Variants in PPARG observed in about 807,000 individuals in gnomAD.
The protein encoded by PPARG is peroxisome proliferator activated receptor gamma.
In PPARG, 17 loss-of-function variants were observed where a neutral mutation model predicts 39.2. The observed-to-expected ratio is 0.43, with a 90% CI of 0.30 to 0.65. The LOEUF (loss-of-function observed/expected upper bound fraction) is 0.65. Ranked by LOEUF, PPARG falls within the 30% of genes least tolerant of loss-of-function variation. The pLI, the probability that PPARG is intolerant of heterozygous loss-of-function variation, is 0.13. For missense variants in PPARG, 406 were observed against 585.9 expected (o/e 0.69, Z 3.17); for synonymous variants, 223 against 215.7 (o/e 1.03, Z -0.30).
chr3:12,352,564 G>A (rs1291399499), intron 2 of PPARG, among the ~76,000 whole-genome samples: 1 of 152,014 alleles, frequency 6.6e-6, no homozygotes, highest in Non-Finnish European at 1.5e-5. Context: ...CTCAGATTCT[G>A]TGTAAAAATA....
chr3:12,397,555 C>T (rs1261921875), intron 5 of PPARG, among the ~76,000 whole-genome samples: 2 of 151,562 alleles, frequency 1.3e-5, no homozygotes, highest in African/African-American at 4.8e-5. Context: ...GGACTACAGG[C>T]GCCTGCCACC....
chr3:12,301,270 ACT>A (rs1440389347), intron 1 of PPARG, among the ~76,000 whole-genome samples: 3 of 152,198 alleles, frequency 2.0e-5, no homozygotes, highest in Admixed American at 1.3e-4. Flanking sequence ...ACTGTAACAA[ACT>A]CTGCTTAGTA....
upstream of PPARG, among the ~76,000 whole-genome samples, chr3:12,288,394 C>A (rs564063706): frequency 6.6e-6 from 1 of 151,770 alleles, no homozygotes; most frequent in East Asian, 2.0e-4. Context: ...TGGACGCGAG[C>A]CGGTGCGTCC....
intron 1 of PPARG, among the ~76,000 whole-genome samples, chr3:12,292,960 G>A (rs1019466719): frequency 6.6e-6 from 1 of 152,214 alleles, no homozygotes; most frequent in Non-Finnish European, 1.5e-5. Context: ...CAGAGGCGAA[G>A]GCAAAGAAAG....
intron 1 of PPARG, among the ~76,000 whole-genome samples, chr3:12,299,072 C>G (rs1342059086): frequency 1.3e-5 from 2 of 152,076 alleles, no homozygotes; most frequent in Non-Finnish European, 2.9e-5. Flanking sequence ...TAGGCCCAAG[C>G]AGTCCTCTGG....
At chr3:12,425,173 GAA>G (rs1426620304) in intron 7 of PPARG, among the ~76,000 whole-genome samples, 3 of 152,226 alleles carry the variant, frequency 2.0e-5, no homozygotes, top group Admixed American at 6.5e-5. Flanking sequence ...GGAGGGCTTG[GAA>G]GTGGGGAGGA....
intron 6 of PPARG, 87 bp from the exon 7 acceptor site, chr3:12,416,617 A>G: frequency 7.7e-7 from 1 of 1,295,978 alleles, no homozygotes; most frequent in Non-Finnish European, 1.1e-6. Context: ...AAGCAAGTTT[A>G]CATAAACAGT....
chr3:12,315,770 G>A (rs1384338201), intron 2 of PPARG, among the ~76,000 whole-genome samples: 1 of 152,142 alleles, frequency 6.6e-6, no homozygotes, highest in Non-Finnish European at 1.5e-5. Context: ...ACCTGTGAGT[G>A]GGAATAACTC....
At chr3:12,392,114 A>C (rs1459092126) in intron 4 of PPARG, among the ~76,000 whole-genome samples, 1 of 152,204 alleles carries the variant, frequency 6.6e-6, no homozygotes, top group African/African-American at 2.4e-5. Context: ...ATTCTGCAGG[A>C]AATTATGCAA....
intron 2 of PPARG, among the ~76,000 whole-genome samples, chr3:12,368,789 G>A (rs2049110077): frequency 6.6e-6 from 1 of 152,196 alleles, no homozygotes; most frequent in African/African-American, 2.4e-5. Flanking sequence ...GAAAAGAAGT[G>A]AGTTGGTAGA....
chr3:12,403,007 C>T (rs1018739924), intron 5 of PPARG, among the ~76,000 whole-genome samples: 1 of 152,256 alleles, frequency 6.6e-6, no homozygotes. Context: ...TAAATAGTTC[C>T]TATGGCCAGG....
At chr3:12,417,888 C>G (rs10048953) in intron 7 of PPARG, among the ~76,000 whole-genome samples, 2 of 64,058 alleles carry the variant, frequency 3.1e-5, no homozygotes, top group African/African-American at 1.5e-4. Context: ...TTTTTTTTTT[C>G]TTTTTTTTTT....
At chr3:12,296,733 G>A (rs763263727) in intron 1 of PPARG, among the ~76,000 whole-genome samples, 1 of 152,162 alleles carries the variant, frequency 6.6e-6, no homozygotes, top group Non-Finnish European at 1.5e-5. Flanking sequence ...TAGCATGGCT[G>A]CTTAGGAATC....
chr3:12,419,539 T>C (rs542093981), intron 7 of PPARG, among the ~76,000 whole-genome samples: 251 of 151,934 alleles, frequency 1.7e-3, no homozygotes, highest in Admixed American at 3.9e-3. Flanking sequence ...CTCGGCTCAC[T>C]ACAACCGGGT....
At chr3:12,427,043 C>T (rs2051473333) in intron 7 of PPARG, among the ~76,000 whole-genome samples, 1 of 152,112 alleles carries the variant, frequency 6.6e-6, no homozygotes, top group Admixed American at 6.5e-5. Flanking sequence ...TTAGTCTCCC[C>T]AGATAATTTT....
chr3:12,356,945 G>A (rs114714243), intron 2 of PPARG, among the ~76,000 whole-genome samples: 1,851 of 152,118 alleles, frequency 0.012, 33 homozygotes, highest in African/African-American at 0.043. Context: ...CCTCTACTCC[G>A]TGAAGCATTC....
intron 2 of PPARG, among the ~76,000 whole-genome samples, chr3:12,361,850 A>G (rs1292055230): frequency 3.3e-5 from 5 of 152,238 alleles, no homozygotes; most frequent in Admixed American, 2.6e-4. Context: ...CAGCATATCA[A>G]TTACCACACA....
chr3:12,294,926 A>G (rs2046740744), intron 1 of PPARG, among the ~76,000 whole-genome samples: 1 of 152,114 alleles, frequency 6.6e-6, no homozygotes, highest in Admixed American at 6.5e-5. Context: ...TACATACTTA[A>G]TTTTATTTTT....
At chr3:12,310,724 A>G (rs1203095650) in intron 1 of PPARG, among the ~76,000 whole-genome samples, 1 of 81,442 alleles carries the variant, frequency 1.2e-5, no homozygotes, top group Non-Finnish European at 2.7e-5. Context: ...CGGCCTCCCA[A>G]AGTGCTGGGA....
Sources: allele counts gnomAD v4.1 joint callset (sites outside exome capture counted in the v4.1 genomes callset), GRCh38; gene constraint gnomAD v4.1.1; transcripts MANE v1.5; gene names NCBI Gene and HGNC (gene_info 2026-07-23, HGNC 2026-07-21).